Variants in RIN3 observed in about 807,000 individuals in gnomAD.
The protein encoded by RIN3 is RAB5 interacting protein 3.
A neutral mutation model predicts 76.3 loss-of-function variants in RIN3; 54 were observed. That is an observed-to-expected ratio of 0.71 (90% CI 0.57 to 0.89). The LOEUF (loss-of-function observed/expected upper bound fraction) is 0.89. Ranked by LOEUF, RIN3 falls within the 40% of genes least tolerant of loss-of-function variation. The pLI is 0.00. For missense variants in RIN3, 1,256 were observed against 1,322.1 expected (o/e 0.95, Z 0.78); for synonymous variants, 576 against 564.0 (o/e 1.02, Z -0.30).
chr14:92,617,236 G>T (rs1368323057), intron 4 of RIN3, among the ~76,000 whole-genome samples: 2 of 152,022 alleles, frequency 1.3e-5, no homozygotes, highest in Non-Finnish European at 2.9e-5. Flanking sequence ...GGAGGCAGAG[G>T]TTGCAGTGAA....
intron 8 of RIN3, among the ~76,000 whole-genome samples, chr14:92,683,223 G>A (rs1888731296): frequency 6.6e-6 from 1 of 152,100 alleles, no homozygotes; most frequent in African/African-American, 2.4e-5. Flanking sequence ...TGGGCAGAAA[G>A]GCCTTTGCAG....
intron 1 of RIN3, among the ~76,000 whole-genome samples, chr14:92,531,790 C>T (rs76354323): frequency 0.052 from 7,852 of 152,226 alleles, 622 homozygotes; most frequent in African/African-American, 0.18. Flanking sequence ...TATGGAGAAC[C>T]TGCAGTGCGT....
At chr14:92,601,449 C>G (rs1263640450) in intron 3 of RIN3, among the ~76,000 whole-genome samples, 2 of 152,182 alleles carry the variant, frequency 1.3e-5, no homozygotes, top group Non-Finnish European at 2.9e-5. Context: ...GACCTCAGAT[C>G]AAAGTTCCCA....
chr14:92,518,789 CTGTGTGTGTGTG>C (rs61124300), intron 1 of RIN3, among the ~76,000 whole-genome samples: 6 of 128,418 alleles, frequency 4.7e-5, no homozygotes, highest in African/African-American at 9.1e-5. Flanking sequence ...TAAGGGTGGC[CTGTGTGTGTGTG>C]TGTGTGTGTG....
At chr14:92,574,736 G>C (rs1382291914) in intron 2 of RIN3, among the ~76,000 whole-genome samples, 1 of 152,090 alleles carries the variant, frequency 6.6e-6, no homozygotes, top group Non-Finnish European at 1.5e-5. Flanking sequence ...TGCTCTGCTG[G>C]AGGAGAGGGG....
At chr14:92,639,045 T>A (rs1886882647) in intron 4 of RIN3, among the ~76,000 whole-genome samples, 1 of 152,242 alleles carries the variant, frequency 6.6e-6, no homozygotes, top group South Asian at 2.1e-4. Flanking sequence ...TCTGCTCTGC[T>A]ATGCCTCCAG....
At chr14:92,546,791 T>C (rs78649553) in intron 1 of RIN3, among the ~76,000 whole-genome samples, 3,750 of 152,012 alleles carry the variant, frequency 0.025, 145 homozygotes, top group African/African-American at 0.086. Context: ...AGGGCCTGTT[T>C]GGGGGAATGA....
At chr14:92,672,640 T>TTA (rs759402289) in intron 7 of RIN3, among the ~76,000 whole-genome samples, 134 of 147,430 alleles carry the variant, frequency 9.1e-4, no homozygotes, top group African/African-American at 2.4e-3. Flanking sequence ...CAAAGATAAA[T>TTA]TATATATATA....
At position 92,577,363 on chromosome 14, in the gene RIN3, T is replaced by C. The variant is rs753236868; in HGVS notation, c.253T>C (p.Phe85Leu). ...GCATCCCCTTCTTTGGTTTCAGATG[T>C]TCCTGGTTCGCCGGGACAGCAGCTC... is the stretch of plus-strand genomic sequence containing the variant. ...RILHRVVAGMFLVRRDSSSKQ... is the reference protein window; with the variant it reads ...RILHRVVAGMLLVRRDSSSKQ... The change falls in exon 3 of 10, where the codon TTC becomes CTC. Residue 85 changes from phenylalanine (F) to leucine (L), a missense_variant. By Grantham distance (22) the Phe-to-Leu change is conservative. Coordinates refer to ENST00000216487, the MANE Select transcript of RIN3 (RefSeq NM_024832.5). 5 of 1,612,006 alleles carry C rather than the reference T, an allele frequency of 3.1e-6. No individual in the cohort carries two copies.
chr14:92,549,673 A>C (rs775473769), intron 1 of RIN3, among the ~76,000 whole-genome samples: 1 of 152,114 alleles, frequency 6.6e-6, no homozygotes, highest in Non-Finnish European at 1.5e-5. Flanking sequence ...TCCCCATAGA[A>C]GCTGAGAGGT....
intron 1 of RIN3, among the ~76,000 whole-genome samples, chr14:92,520,291 C>A (rs2139991811): frequency 6.6e-6 from 1 of 152,366 alleles, no homozygotes; most frequent in South Asian, 2.1e-4. Flanking sequence ...GCATCCCCAC[C>A]TTCTGGAACT....
At chr14:92,676,680 G>A (rs1168675108) in intron 8 of RIN3, 74 bp downstream of exon 8, 5 of 1,526,998 alleles carry the variant, frequency 3.3e-6, no homozygotes, top group Non-Finnish European at 4.5e-6. Flanking sequence ...ACTCTAGGTG[G>A]CCCAACAAGC....
At position 92,568,329 on chromosome 14, in the gene RIN3, T is replaced by C. The variant is rs56249582; in HGVS notation, c.250-9031T>C. 0.24 allele frequency among the ~76,000 whole-genome samples: 37,037 copies of C among 152,030 alleles called. 4,849 individuals are homozygous for C. Among genetic ancestry groups the C allele is most frequent in the Middle Eastern group, 0.29 (86 of 294 alleles). ...GATCAGCGAGTGGGCAGGGAGGCAA[T>C]GTAGATATAAACAACTCATGAAGAT... On this transcript the variant is annotated intron_variant, in intron 2 of 9. Transcript: ENST00000216487. This position sits in a 1 kb window ranked among gnomAD's most constrained non-coding sequence, Gnocchi z 4.2.
chr14:92,646,081 A>G (rs542575557), intron 5 of RIN3, among the ~76,000 whole-genome samples: 111 of 152,276 alleles, frequency 7.3e-4, no homozygotes, highest in African/African-American at 2.5e-3. Flanking sequence ...CAATAAAGCT[A>G]TTATCCAGAG....
intron 2 of RIN3, among the ~76,000 whole-genome samples, chr14:92,575,877 G>T (rs1165366893): frequency 6.6e-6 from 1 of 151,444 alleles, no homozygotes; most frequent in Non-Finnish European, 1.5e-5. Context: ...GCCCAGCGGG[G>T]TCTCAGCCTT....
chr14:92,663,159 A>C (rs932125744), intron 7 of RIN3, among the ~76,000 whole-genome samples: 2 of 152,222 alleles, frequency 1.3e-5, no homozygotes, highest in Non-Finnish European at 2.9e-5. Context: ...ATTGTGTACA[A>C]CATGATGCTT....
intron 4 of RIN3, 36 bp from the exon 5 acceptor site, chr14:92,641,202 A>G (rs1595476593): frequency 2.7e-6 from 4 of 1,486,980 alleles, no homozygotes; most frequent in Non-Finnish European, 3.8e-6. Context: ...GACACGGTGG[A>G]CCCAGACATG....
intron 1 of RIN3, among the ~76,000 whole-genome samples, chr14:92,520,368 AG>A (rs1400967158): frequency 6.6e-6 from 1 of 152,066 alleles, no homozygotes; most frequent in Non-Finnish European, 1.5e-5. Flanking sequence ...ATTCCAGTAG[AG>A]GGGGGTGGGA....
chr14:92,558,885 T>C (rs960391037), intron 2 of RIN3, among the ~76,000 whole-genome samples: 1 of 98,080 alleles, frequency 1.0e-5, no homozygotes, highest in African/African-American at 4.2e-5. Flanking sequence ...TTCTTTTCTT[T>C]TCTTTTTTTT....
Sources: gnomAD v4.1 joint callset for allele counts (sites outside exome capture counted in the v4.1 genomes callset) on GRCh38, gnomAD v4.1.1 for gene constraint, Gnocchi (gnomAD v3.1) non-coding constraint, MANE v1.5 for transcripts, NCBI Gene and HGNC (gene_info 2026-07-23, HGNC 2026-07-21) for gene names.